The following ATP8B1 variants were observed in gnomAD, a reference collection of about 807,000 sequenced individuals.
ATP8B1 encodes the protein phospholipid-transporting ATPase IC.
A neutral mutation model predicts 149.9 loss-of-function variants in ATP8B1; 80 were observed. That is an observed-to-expected ratio of 0.53 (90% CI 0.45 to 0.64). ATP8B1 has a LOEUF of 0.64. Among genes scored for constraint, ATP8B1 ranks in the 30% least tolerant of loss-of-function variants. The pLI is 0.00. For missense variants in ATP8B1, 1,247 were observed against 1,552.6 expected (o/e 0.80, Z 3.31); for synonymous variants, 536 against 562.8 (o/e 0.95, Z 0.67).
At chr18:57,701,016 C>CAGTTACTAATT in intron 6 of ATP8B1, 23 bp downstream of exon 6, 3 of 1,601,428 alleles carry the variant, frequency 1.9e-6, no homozygotes, top group Non-Finnish European at 1.7e-6. Flanking sequence ...CCTTGAAACT[C>CAGTTACTAATT]AGTTACTAAT....
chr18:57,754,578 G>C (rs11873366), intron 1 of ATP8B1, among the ~76,000 whole-genome samples: 40,529 of 151,978 alleles, frequency 0.27, 6,017 homozygotes, highest in African/African-American at 0.4. Flanking sequence ...GGAAAGCTCT[G>C]GAATAGGGCT....
chr18:57,740,176 C>T (rs748803999), intron 1 of ATP8B1, among the ~76,000 whole-genome samples: 2 of 151,912 alleles, frequency 1.3e-5, no homozygotes, highest in Non-Finnish European at 2.9e-5. Context: ...CTGCAACCTT[C>T]GTCTCCTGGG....
chr18:57,743,095 T>C (rs373232399), intron 1 of ATP8B1, among the ~76,000 whole-genome samples: 2 of 152,184 alleles, frequency 1.3e-5, no homozygotes, highest in African/African-American at 2.4e-5. Context: ...TCTCATGCAA[T>C]TGTCATGGAA....
chr18:57,733,325 G>A (rs1403322769), intron 1 of ATP8B1, among the ~76,000 whole-genome samples: 2 of 152,056 alleles, frequency 1.3e-5, no homozygotes, highest in African/African-American at 4.8e-5. Context: ...CACCACCATG[G>A]TGAATAACAG....
intron 1 of ATP8B1, among the ~76,000 whole-genome samples, chr18:57,797,500 C>G (rs1357401977): frequency 6.6e-6 from 1 of 152,110 alleles, no homozygotes; most frequent in African/African-American, 2.4e-5. Flanking sequence ...GTTTCCCACT[C>G]CATCCCCACC....
At chr18:57,783,789 C>T (rs958488389) in intron 1 of ATP8B1, among the ~76,000 whole-genome samples, 1 of 151,848 alleles carries the variant, frequency 6.6e-6, no homozygotes, top group Admixed American at 6.6e-5. Flanking sequence ...GAGCTGAGAT[C>T]GCGCCACTGA....
Position 57,674,839 on chromosome 18 carries a change from A to G in ATP8B1, c.1814T>C (p.Ile605Thr). ...DFNSDRKRMS[I>T]IVRTPEGNIK... Reference sequence around the variant, plus strand: ...AGACTCTGAGGGGGACTTACCAATGATAGACATTCGCTTCCGGTCACTGTT... The same window carrying G: ...AGACTCTGAGGGGGACTTACCAATGGTAGACATTCGCTTCCGGTCACTGTT... Residue 605 changes from isoleucine to threonine, a missense_variant, in exon 16 of 28, where the codon ATC (isoleucine) becomes ACC (threonine). Physicochemically the swap from Ile to Thr is moderately conservative, Grantham distance 89 (BLOSUM62 -1). Coordinates refer to ENST00000648908, the MANE Select transcript of ATP8B1 (RefSeq NM_001374385.1). The G allele has an allele frequency of 6.2e-7, 1 of 1,614,080 alleles. No individual in the cohort carries two copies. The highest frequency in any genetic ancestry group is 8.5e-7 in the Non-Finnish European group (1 of 1,179,952).
intron 1 of ATP8B1, among the ~76,000 whole-genome samples, chr18:57,788,126 C>T (rs2080427684): frequency 6.6e-6 from 1 of 152,146 alleles, no homozygotes; most frequent in African/African-American, 2.4e-5. Context: ...TCTGGACCTA[C>T]AAAGCTTGAA....
At chr18:57,734,572 A>G (rs1352675993) in intron 1 of ATP8B1, among the ~76,000 whole-genome samples, 1 of 151,992 alleles carries the variant, frequency 6.6e-6, no homozygotes, top group Non-Finnish European at 1.5e-5. Flanking sequence ...CCACTTTTTA[A>G]TGGTATTATT....
chr18:57,722,032 A>G (rs1467855875), intron 2 of ATP8B1, among the ~76,000 whole-genome samples: 2 of 135,490 alleles, frequency 1.5e-5, no homozygotes, highest in African/African-American at 2.9e-5. Context: ...AGAAATAAAG[A>G]TGTTCTTTGA....
At chr18:57,754,254 G>A (rs994769904) in intron 1 of ATP8B1, among the ~76,000 whole-genome samples, 1 of 151,840 alleles carries the variant, frequency 6.6e-6, no homozygotes, top group East Asian at 1.9e-4. Context: ...TCTGGTCAAC[G>A]TGGTAAAACC....
At chr18:57,777,627 G>A (rs947916743) in intron 1 of ATP8B1, among the ~76,000 whole-genome samples, 2 of 152,076 alleles carry the variant, frequency 1.3e-5, no homozygotes, top group African/African-American at 2.4e-5. Flanking sequence ...GGAGTGCACC[G>A]GTGGGATCTC....
intron 1 of ATP8B1, among the ~76,000 whole-genome samples, chr18:57,793,988 C>G (rs1568074627): frequency 6.6e-6 from 1 of 152,174 alleles, no homozygotes; most frequent in Admixed American, 6.5e-5. Flanking sequence ...TCTAAATGCT[C>G]TTAATGCAGC....
chr18:57,774,149 C>T lies in ATP8B1; in HGVS notation c.-26+28849G>A, dbSNP rs73446918. Reference sequence around the variant, plus strand: ...TCCTGTACCTGGAATGCTCTTCCCCCGTAGCCACAAGGCTTAGCCCCTCAC... The same window carrying T: ...TCCTGTACCTGGAATGCTCTTCCCCTGTAGCCACAAGGCTTAGCCCCTCAC... On this transcript the variant is annotated intron_variant, in intron 1 of 27. Coordinates refer to ENST00000648908, the MANE Select transcript of ATP8B1 (RefSeq NM_001374385.1). 7.3e-3 allele frequency among the ~76,000 whole-genome samples: 1,116 copies of T among 152,302 alleles called. 15 individuals carry two copies. The highest frequency in any genetic ancestry group is 0.025 in the African/African-American group (1,049 of 41,576).
At chr18:57,785,117 G>A (rs1299592180) in intron 1 of ATP8B1, among the ~76,000 whole-genome samples, 1 of 152,140 alleles carries the variant, frequency 6.6e-6, no homozygotes, top group Non-Finnish European at 1.5e-5. Flanking sequence ...CTAGTATTAA[G>A]GTGGATGCTG....
At chr18:57,679,430 A>T (rs1442294233) in intron 15 of ATP8B1, among the ~76,000 whole-genome samples, 1 of 152,080 alleles carries the variant, frequency 6.6e-6, no homozygotes, top group Non-Finnish European at 1.5e-5. Context: ...AAAACAAAGC[A>T]ACCTTCCTAA....
chr18:57,695,437 G>C lies in ATP8B1; in HGVS notation c.781+13C>G. ...TAAAATTTAAAGCAAAGTAAGACATGTTTGGTACAAACCATCAAATGTAGC... is the reference window on the plus strand; with the variant it reads ...TAAAATTTAAAGCAAAGTAAGACATCTTTGGTACAAACCATCAAATGTAGC... On this transcript the variant is annotated intron_variant, in intron 9 of 27. Transcript: ENST00000648908. 1 of 1,608,108 alleles carries C rather than the reference G, an allele frequency of 6.2e-7. No individual in the cohort carries two copies. The highest frequency in any genetic ancestry group is 8.5e-7 in the Non-Finnish European group (1 of 1,174,592).
intron 2 of ATP8B1, among the ~76,000 whole-genome samples, chr18:57,719,538 T>A (rs1376922397): frequency 1.3e-5 from 2 of 152,132 alleles, no homozygotes; most frequent in Non-Finnish European, 2.9e-5. Context: ...ACCCGAATAT[T>A]GCGCTTTTCA....
At chr18:57,725,206 C>A in intron 2 of ATP8B1, among the ~76,000 whole-genome samples, 1 of 138,864 alleles carries the variant, frequency 7.2e-6, no homozygotes, top group Non-Finnish European at 1.5e-5. Flanking sequence ...ACATATGTAA[C>A]TAACCTGCAC....
Sources: allele counts gnomAD v4.1 joint callset (sites outside exome capture counted in the v4.1 genomes callset), GRCh38; gene constraint gnomAD v4.1.1; transcripts MANE v1.5; gene names NCBI Gene and HGNC (gene_info 2026-07-23, HGNC 2026-07-21).